ELFN1: variants seen among roughly 807,000 people sequenced by gnomAD.
ELFN1 encodes extracellular leucine rich repeat and fibronectin type III domain containing 1, also known as protein ELFN1.
Under a neutral mutation model 7.6 loss-of-function variants are expected in ELFN1, and 6 were observed. The observed-to-expected ratio is 0.79, with a 90% CI of 0.43 to 1.56. ELFN1 has a LOEUF of 1.56. Ranked by LOEUF, ELFN1 falls within the 40% of genes most tolerant of loss-of-function variation. The pLI is 0.01. For synonymous variants in ELFN1, 657 were observed against 588.1 expected, an observed-to-expected ratio of 1.12 and a Z score of -1.70; for missense variants, 1,169 against 1,232.2, an observed-to-expected ratio of 0.95 and a Z score of 0.77.
chr7:1,693,156 G>C (rs1227225780), intron 2 of ELFN1: 2 of 360,576 alleles, frequency 5.5e-6, no homozygotes, highest in Non-Finnish European at 1.1e-5. Context: ...CAGACCCCTA[G>C]TGACCAGATG....
intron 2 of ELFN1, among the ~76,000 whole-genome samples, chr7:1,703,889 C>T (rs1317729668): frequency 6.6e-6 from 1 of 152,208 alleles, no homozygotes; most frequent in Non-Finnish European, 1.5e-5. Context: ...TGACACCTGT[C>T]CTGTAAGGGC....
chr7:1,707,754 G>A (rs1047288821), intron 2 of ELFN1, among the ~76,000 whole-genome samples: 3 of 152,176 alleles, frequency 2.0e-5, no homozygotes, highest in Non-Finnish European at 4.4e-5. Flanking sequence ...ACTTCCCCAC[G>A]TATTTTTTGG....
At position 1,746,140 on chromosome 7, in the gene ELFN1, C is replaced by T. The variant is rs751741366; in HGVS notation, c.1544C>T (p.Ala515Val). 3.6e-5 allele frequency: 56 copies of T among 1,548,154 alleles called. No homozygotes were observed. The highest frequency in any genetic ancestry group is 6.0e-5 in the South Asian group (5 of 83,880). ...GAGCAGTACAAGCTGGTGGAGAGCG[C>T]GGACACCCCCAAGGCCAGCAAGGGC... ...EVEQYKLVES[A>V]DTPKASKGSY... The change falls in exon 4 of 4, where the codon GCG becomes GTG. Residue 515 changes from alanine (A) to valine (V), a missense_variant. By Grantham distance (64) the Ala-to-Val change is moderately conservative. This residue lies in a region of ELFN1 where 914 missense variants were observed against 872.6 expected (regional missense o/e 1.05). Coordinates refer to ENST00000424383, the MANE Select transcript of ELFN1 (RefSeq NM_001128636.4).
At chr7:1,674,712 A>G (rs990114890) in intron 1 of ELFN1, among the ~76,000 whole-genome samples, 3 of 152,008 alleles carry the variant, frequency 2.0e-5, no homozygotes, top group Non-Finnish European at 4.4e-5. Flanking sequence ...AGTGGGAGAG[A>G]CTGGTGGAAG....
At chr7:1,672,145 G>A (rs188259715) in intron 1 of ELFN1, among the ~76,000 whole-genome samples, 7 of 152,214 alleles carry the variant, frequency 4.6e-5, no homozygotes. Context: ...AGAAAAGCCA[G>A]TGGGCACCTG....
chr7:1,698,168 C>T (rs1779357298), intron 2 of ELFN1, among the ~76,000 whole-genome samples: 1 of 152,124 alleles, frequency 6.6e-6, no homozygotes, highest in African/African-American at 2.4e-5. Context: ...AATTTTTAGC[C>T]GATTAGATTC....
chr7:1,692,152 G>T, intron 2 of ELFN1: 1 of 152,474 alleles, frequency 6.6e-6, no homozygotes, highest in Non-Finnish European at 1.5e-5. Flanking sequence ...ACTTTTTGCT[G>T]CTGGGCCTCA....
intron 1 of ELFN1, among the ~76,000 whole-genome samples, chr7:1,671,110 C>G (rs555054691): frequency 3.0e-4 from 46 of 151,790 alleles, no homozygotes; most frequent in African/African-American, 1.1e-3. Flanking sequence ...TTGAAACCTG[C>G]AGGTCACCTG....
rs935815415 is a variant in ELFN1, at chr7:1,673,311, C to T, written c.-549+2957C>T. Among the ~76,000 whole-genome samples the T allele has an allele frequency of 4.0e-4, 61 of 152,222 alleles. No homozygotes were observed. The highest frequency in any genetic ancestry group is 7.2e-4 in the Non-Finnish European group (49 of 68,012). On this transcript the variant is annotated intron_variant, in intron 1 of 3. Transcript: ENST00000424383. The surrounding 1 kb of genome is among the most constrained non-coding windows in gnomAD (Gnocchi z 4.7). The stretch of plus-strand genomic sequence containing the variant: ...GGTGGTGGAGGGGTCCTATGTCTGG[C>T]GTCTGTGTCCTGTTGTGTTGGTTCA...
chr7:1,697,677 A>G (rs1292709608), intron 2 of ELFN1, among the ~76,000 whole-genome samples: 1 of 150,660 alleles, frequency 6.6e-6, no homozygotes, highest in African/African-American at 2.5e-5. Context: ...TCCTGCCCCC[A>G]CCCCTCCTCC....
intron 1 of ELFN1, among the ~76,000 whole-genome samples, chr7:1,676,326 A>T (rs1434170028): frequency 6.6e-6 from 1 of 152,060 alleles, no homozygotes; most frequent in Non-Finnish European, 1.5e-5. Flanking sequence ...TCACTGAGGG[A>T]CCACCCCTGC....
chr7:1,687,859 T>C (rs879643915), intron 1 of ELFN1, among the ~76,000 whole-genome samples, 199 bp from the exon 2 acceptor site: 3 of 152,138 alleles, frequency 2.0e-5, no homozygotes, highest in African/African-American at 7.2e-5. Context: ...TTTTGTGACC[T>C]ATCTGTTTAA....
At chr7:1,671,377 G>C (rs1778763558) in intron 1 of ELFN1, among the ~76,000 whole-genome samples, 1 of 152,262 alleles carries the variant, frequency 6.6e-6, no homozygotes, top group Non-Finnish European at 1.5e-5. Flanking sequence ...TCCTCAAAAA[G>C]CCTCCGTGCC....
At chr7:1,674,907 C>T (rs959463639) in intron 1 of ELFN1, among the ~76,000 whole-genome samples, 2 of 151,902 alleles carry the variant, frequency 1.3e-5, no homozygotes, top group South Asian at 4.2e-4. Flanking sequence ...TGCTAGAGCC[C>T]CCAATTCAAT....
chr7:1,747,227 G>A lies in ELFN1; in HGVS notation c.*144G>A, dbSNP rs1030116357. The A allele has an allele frequency of 1.6e-5, 16 of 987,818 alleles. No individual in the cohort carries two copies. Among genetic ancestry groups the A allele is most frequent in the South Asian group, 2.1e-5 (1 of 47,216 alleles). The allele number at this position is 987,818 out of a possible 1,614,324, so 61.2% of individuals were successfully genotyped here. A position where few individuals can be genotyped will look rare whatever the true frequency, so the allele number is the denominator to read the frequency against. ...CAGAGGCGAGGGGGGAGCGAGTGGG[G>A]ACAGACAAGGGGGACACGTCCCGAG... On this transcript the variant is annotated 3_prime_UTR_variant, in exon 4 of 4. Transcript: ENST00000424383.
At chr7:1,670,062 G>A (rs935002699), upstream of ELFN1, among the ~76,000 whole-genome samples, 9 of 151,470 alleles carry the variant, frequency 5.9e-5, no homozygotes, top group African/African-American at 2.2e-4. This position sits in a 1 kb window ranked among gnomAD's most constrained non-coding sequence, Gnocchi z 6.4. Context: ...GAGAGAAGGG[G>A]AGGGCCAGAG....
At chr7:1,667,427 C>T (rs1206520309), upstream of ELFN1, among the ~76,000 whole-genome samples, 1 of 152,094 alleles carries the variant, frequency 6.6e-6, no homozygotes, top group Non-Finnish European at 1.5e-5. This position sits in a 1 kb window ranked among gnomAD's most constrained non-coding sequence, Gnocchi z 8.2. Context: ...CCGCGAAGCT[C>T]CTGGAGCGTT....
At chr7:1,685,839 CT>C (rs1397693035) in intron 1 of ELFN1, among the ~76,000 whole-genome samples, 1 of 147,336 alleles carries the variant, frequency 6.8e-6, no homozygotes, top group Non-Finnish European at 1.5e-5. Context: ...ATCTTTATGT[CT>C]TTGAATGTAT....
At chr7:1,702,174 C>CA (rs757270473) in intron 2 of ELFN1, among the ~76,000 whole-genome samples, 4 of 152,126 alleles carry the variant, frequency 2.6e-5, no homozygotes, top group East Asian at 1.9e-4. Context: ...CTTGTAATCC[C>CA]AGCACTTTGG....
Sources: allele counts gnomAD v4.1 joint callset (sites outside exome capture counted in the v4.1 genomes callset), GRCh38; gene constraint gnomAD v4.1.1; regional missense constraint gnomAD v4.1.1; non-coding constraint Gnocchi (gnomAD v3.1); transcripts MANE v1.5; gene names NCBI Gene and HGNC (gene_info 2026-07-23, HGNC 2026-07-21).